NHSL1: variants seen among roughly 807,000 people sequenced by gnomAD.
NHSL1 encodes NHS like 1.
NHSL1 carries 48 observed loss-of-function variants against 95.0 expected under a neutral mutation model. The observed-to-expected ratio is 0.51, with a 90% confidence interval of 0.40 to 0.64. The LOEUF (loss-of-function observed/expected upper bound fraction) is 0.64, where lower values mean the gene tolerates loss of function less well. Ranked by LOEUF, NHSL1 falls within the 30% of genes least tolerant of loss-of-function variation. NHSL1 has a pLI of 0.00. For missense variants in NHSL1, 1,971 were observed against 2,077.7 expected (o/e 0.95, Z 1.00); for synonymous variants, 783 against 833.9 (o/e 0.94, Z 1.05).
At chr6:138,524,562 A>G (rs1321722642) in intron 1 of NHSL1, among the ~76,000 whole-genome samples, 4 of 152,132 alleles carry the variant, frequency 2.6e-5, no homozygotes, top group Non-Finnish European at 2.9e-5. Flanking sequence ...ATGGTAAAAG[A>G]TTACTTATCT....
At position 138,422,495 on chromosome 6, in the gene NHSL1, C is replaced by G. The variant is rs527618573; in HGVS notation, c.*1586G>C. ...CCAACTTTTAGATAGTATTTCCATA[C>G]CCCCCAAAAGCTGGCAGGTGGTAGT... On this transcript the variant is annotated 3_prime_UTR_variant, in exon 8 of 8. Coordinates refer to ENST00000343505, the MANE Select transcript of NHSL1 (RefSeq NM_001144060.2). 1 of 152,114 alleles carries G rather than the reference C, an allele frequency of 6.6e-6. No individual in the cohort carries two copies. Among genetic ancestry groups the G allele is most frequent in the South Asian group, 2.1e-4 (1 of 4,822 alleles). The allele number at this position is 152,114 out of a possible 1,614,324, so 9.4% of individuals were successfully genotyped here. A position where few individuals can be genotyped will look rare whatever the true frequency, so the allele number is the denominator to read the frequency against.
At chr6:138,448,851 G>T (rs866734870) in intron 3 of NHSL1, among the ~76,000 whole-genome samples, 2 of 152,060 alleles carry the variant, frequency 1.3e-5, no homozygotes, top group Non-Finnish European at 2.9e-5. Flanking sequence ...ACGGGAGCTT[G>T]AGACCAGCCT....
At chr6:138,466,760 C>T (rs1013185682) in intron 3 of NHSL1, among the ~76,000 whole-genome samples, 1 of 142,538 alleles carries the variant, frequency 7.0e-6, no homozygotes, top group African/African-American at 2.8e-5. Flanking sequence ...AAACCCACTG[C>T]CCTGAGAGTC....
intron 1 of NHSL1, chr6:138,650,117 A>G: frequency 1.9e-6 from 1 of 528,900 alleles, no homozygotes. Context: ...GCGGGAGCAC[A>G]TCTGGTTGTT....
chr6:138,522,636 C>A (rs979377355), intron 1 of NHSL1, among the ~76,000 whole-genome samples: 6 of 152,050 alleles, frequency 3.9e-5, no homozygotes, highest in Admixed American at 3.3e-4. Flanking sequence ...AGTGAAACTC[C>A]ATCTCAAATA....
upstream of NHSL1, among the ~76,000 whole-genome samples, chr6:138,546,736 C>T (rs370902005): frequency 1.5e-4 from 23 of 152,296 alleles, no homozygotes; most frequent in South Asian, 1.7e-3. Flanking sequence ...CATTAGAGTA[C>T]GAGAATTTCT....
At chr6:138,474,622 A>C (rs1020654078) in intron 2 of NHSL1, among the ~76,000 whole-genome samples, 4 of 152,220 alleles carry the variant, frequency 2.6e-5, no homozygotes, top group African/African-American at 9.6e-5. Flanking sequence ...TGTTAATCAT[A>C]AAATAGCTAA....
chr6:138,573,476 A>T (rs1199132316), upstream of NHSL1, among the ~76,000 whole-genome samples: 1 of 152,234 alleles, frequency 6.6e-6, no homozygotes, highest in African/African-American at 2.4e-5. Flanking sequence ...CTGATTAAAA[A>T]TTTTAAAACC....
At position 138,499,441 on chromosome 6, in the gene NHSL1, C is replaced by T. The variant is rs1207490084; in HGVS notation, c.-151G>A. The T allele has an allele frequency of 3.5e-6, 5 of 1,416,138 alleles. No individual in the cohort carries two copies. The highest frequency in any genetic ancestry group is 4.6e-6 in the Non-Finnish European group (5 of 1,078,102). The allele number at this position is 1,416,138 out of a possible 1,614,324, so 87.7% of individuals were successfully genotyped here. ...TAGACATCTGCCCAGGCTGATGTAACTGAGGTTGAGTTTATTGTCAGGCAG... is the reference window on the plus strand; with the variant it reads ...TAGACATCTGCCCAGGCTGATGTAATTGAGGTTGAGTTTATTGTCAGGCAG... On this transcript the variant is annotated 5_prime_UTR_variant, in exon 1 of 8. Coordinates refer to ENST00000343505, the MANE Select transcript of NHSL1 (RefSeq NM_001144060.2).
At chr6:138,630,242 G>C (rs1784801154) in intron 1 of NHSL1, among the ~76,000 whole-genome samples, 1 of 151,708 alleles carries the variant, frequency 6.6e-6, no homozygotes, top group Non-Finnish European at 1.5e-5. Context: ...AAATCACACT[G>C]TGAAGCCTTG....
intron 1 of NHSL1, among the ~76,000 whole-genome samples, chr6:138,659,823 T>C (rs181872672): frequency 1.3e-5 from 2 of 150,084 alleles, no homozygotes; most frequent in Non-Finnish European, 3.0e-5. Flanking sequence ...TTCAAGCAAA[T>C]CTCACTTCAG....
rs1314303136 is a variant in NHSL1 at position 138,519,523 on chromosome 6, A to C, written c.17-23152T>G. Among the ~76,000 whole-genome samples, 3 of 152,352 alleles carry C rather than the reference A, an allele frequency of 2.0e-5. No individual in the cohort carries two copies. The South Asian group carries it at 6.2e-4, about 32-fold the overall frequency. On this transcript the variant is annotated intron_variant, in intron 1 of 4. Transcript: ENST00000342260. ...TACCATCACAATACATGAATAATTT[A>C]ATATGCAAGGCTGGAATGACATTTG... is the stretch of plus-strand genomic sequence containing the variant.
intron 1 of NHSL1, among the ~76,000 whole-genome samples, chr6:138,665,792 T>G (rs183322096): frequency 3.3e-5 from 5 of 152,116 alleles, no homozygotes; most frequent in Non-Finnish European, 7.4e-5. Flanking sequence ...AGAGCTATAA[T>G]CCTATCGCCC....
chr6:138,606,129 G>C (rs921619793), intron 1 of NHSL1, among the ~76,000 whole-genome samples: 5 of 152,096 alleles, frequency 3.3e-5, no homozygotes, highest in Non-Finnish European at 7.4e-5. Flanking sequence ...GCCCCCTGCT[G>C]TGCCTGCCAC....
chr6:138,627,763 C>T (rs1418548554), intron 1 of NHSL1, among the ~76,000 whole-genome samples: 7 of 152,072 alleles, frequency 4.6e-5, no homozygotes, highest in Non-Finnish European at 8.8e-5. Flanking sequence ...CGCCTGTAAT[C>T]CCAGCTACTC....
intron 1 of NHSL1, among the ~76,000 whole-genome samples, chr6:138,647,509 C>A (rs1785034764): frequency 6.6e-6 from 1 of 151,990 alleles, no homozygotes; most frequent in Non-Finnish European, 1.5e-5. Context: ...AATCAGTCAA[C>A]CTACAGAGGC....
intron 2 of NHSL1, among the ~76,000 whole-genome samples, chr6:138,481,315 T>C (rs765136900): frequency 1.6e-4 from 24 of 152,190 alleles, no homozygotes; most frequent in Non-Finnish European, 2.9e-5. Flanking sequence ...TACCCCTTCA[T>C]AAATTTGTTG....
intron 1 of NHSL1, among the ~76,000 whole-genome samples, chr6:138,648,198 T>C (rs1344051545): frequency 6.6e-6 from 1 of 152,102 alleles, no homozygotes; most frequent in African/African-American, 2.4e-5. Context: ...TTAAAATGCA[T>C]CTATCAATAA....
chr6:138,431,889 C>G lies in NHSL1; in HGVS notation c.2456G>C (p.Gly819Ala). Residue 819 changes from glycine (G) to alanine (A), a missense_variant, in exon 6 of 8, where the codon GGG (glycine) becomes GCG (alanine). By Grantham distance (60) the Gly-to-Ala change is moderately conservative (BLOSUM62 0). Transcript: ENST00000343505. This position sits in a 1 kb window ranked among gnomAD's most constrained non-coding sequence, Gnocchi z 4.0. ...CACTTGGGGCATTGTGGCTCTGGAC[C>G]CTTCTTGGACATGGCGGACTGGCCC... is the stretch of plus-strand genomic sequence containing the variant. ...GNGPVRHVQE[G>A]SRATMPQVPG... 1.3e-6 allele frequency: 2 copies of G among 1,551,706 alleles called. No individual in the cohort carries two copies. The highest frequency in any genetic ancestry group is 1.7e-6 in the Non-Finnish European group (2 of 1,146,990).
Sources: allele counts gnomAD v4.1 joint callset (sites outside exome capture counted in the v4.1 genomes callset), GRCh38; gene constraint gnomAD v4.1.1; non-coding constraint Gnocchi (gnomAD v3.1); transcripts MANE v1.5; gene names NCBI Gene and HGNC (gene_info 2026-07-23, HGNC 2026-07-21).